The following MGST1 variants were observed in gnomAD, a reference collection of about 807,000 sequenced individuals.
MGST1 encodes the protein glutathione S-transferase 12.
In MGST1, 5 loss-of-function variants were observed where a neutral mutation model predicts 8.9. The ratio of observed to expected loss-of-function variants is 0.56; its 90% CI spans 0.29 to 1.19. MGST1 has a LOEUF of 1.19. MGST1 is among the 50% of genes most tolerant of loss of function. The probability of loss-of-function intolerance (pLI) is 0.08; values close to 1 mark genes in which losing one functional copy is unlikely to be tolerated. For synonymous variants in MGST1, 54 were observed against 67.8 expected (o/e 0.80, Z 1.00); for missense variants, 182 against 187.4 (o/e 0.97, Z 0.17).
chr12:16,414,743 C>T lies in MGST1; in HGVS notation n.779-22645C>T, dbSNP rs113530888. On this transcript the variant is annotated intron_variant and non_coding_transcript_variant, in intron 1 of 1. Coordinates refer to the MGST1 transcript ENST00000359720. ...GTGGTTATTTTAAAAATATTTTCAG[C>T]TGGGCACAGTGGCTCATGCCTGTAA... Among the ~76,000 whole-genome samples, 990 of 152,252 alleles carry T rather than the reference C, an allele frequency of 6.5e-3. 14 individuals carry two copies. Among genetic ancestry groups the T allele is most frequent in the African/African-American group, 0.022 (926 of 41,566 alleles).
At chr12:16,590,792 A>T (rs1009131978), downstream of MGST1, among the ~76,000 whole-genome samples, 4 of 152,062 alleles carry the variant, frequency 2.6e-5, no homozygotes, top group Non-Finnish European at 4.4e-5. Flanking sequence ...TAGATGCATC[A>T]CTTTAAAATC....
At chr12:16,439,113 T>G (rs1447157795), downstream of MGST1, among the ~76,000 whole-genome samples, 3 of 144,420 alleles carry the variant, frequency 2.1e-5, no homozygotes, top group Non-Finnish European at 4.6e-5. Context: ...GTAAGACATG[T>G]AAAAAAAAAA....
chr12:16,516,282 A>G (rs1001417462), intron 4 of MGST1, among the ~76,000 whole-genome samples: 1 of 152,228 alleles, frequency 6.6e-6, no homozygotes, highest in African/African-American at 2.4e-5. Flanking sequence ...TTTCTGAATT[A>G]GTCTTTCCAG....
In MGST1 at chr12:16,503,793, T is replaced by C. The variant is rs143340065; in HGVS notation, n.483-85735T>C. ...CCCAACGACCTGGAAGTTACCACCC[T>C]TTTTCTAGATATTTCTGTGTAATTT... On this transcript the variant is annotated intron_variant and non_coding_transcript_variant, in intron 4 of 4. Coordinates refer to the MGST1 transcript ENST00000538857. This position sits in a 1 kb window ranked among gnomAD's most constrained non-coding sequence, Gnocchi z 4.8. Among the ~76,000 whole-genome samples the C allele has an allele frequency of 6.6e-6, 1 of 152,324 alleles. No individual in the cohort carries two copies. Among genetic ancestry groups the C allele is most frequent in the African/African-American group, 2.4e-5 (1 of 41,568 alleles).
intron 1 of MGST1, among the ~76,000 whole-genome samples, chr12:16,396,111 A>G (rs1940603187): frequency 6.6e-6 from 1 of 151,872 alleles, no homozygotes; most frequent in Non-Finnish European, 1.5e-5. Context: ...CCACGCCAAC[A>G]TCTATTATTT....
chr12:16,458,860 G>A lies in MGST1; in HGVS notation n.482+75256G>A, dbSNP rs1178772704. On this transcript the variant is annotated intron_variant and non_coding_transcript_variant, in intron 4 of 4. Transcript: ENST00000538857. The surrounding 1 kb of genome is among the most constrained non-coding windows in gnomAD (Gnocchi z 4.0). The stretch of plus-strand genomic sequence containing the variant: ...GTACATCTTGAAGTCTCCATGTTCA[G>A]TGATAAGTAGTGGCTTGTTAGGAAA... Among the ~76,000 whole-genome samples the A allele has an allele frequency of 6.6e-6, 1 of 152,026 alleles. No homozygotes were observed. The highest frequency in any genetic ancestry group is 2.4e-5 in the African/African-American group (1 of 41,432).
chr12:16,449,293 T>A (rs1941109739), intron 4 of MGST1, among the ~76,000 whole-genome samples: 1 of 151,412 alleles, frequency 6.6e-6, no homozygotes, highest in African/African-American at 2.4e-5. Context: ...AGAGCAAGAG[T>A]AGAGAGGTGC....
chr12:16,386,630 G>A (rs1940506274), intron 1 of MGST1, among the ~76,000 whole-genome samples: 1 of 152,200 alleles, frequency 6.6e-6, no homozygotes, highest in African/African-American at 2.4e-5. Context: ...AATGCCTGAT[G>A]TTACTGTATA....
Position 16,482,476 on chromosome 12 carries a change from C to T in MGST1, n.482+98872C>T, listed in dbSNP as rs1257495209. ...TGAAACACCGTCTCTACTAAAAATA[C>T]AAAAATTAGCCAGGCGCAGTGGCAG... On this transcript the variant is annotated intron_variant and non_coding_transcript_variant, in intron 4 of 4. Coordinates refer to the MGST1 transcript ENST00000538857. This position sits in a 1 kb window ranked among gnomAD's most constrained non-coding sequence, Gnocchi z 4.2. Among the ~76,000 whole-genome samples the T allele has an allele frequency of 6.6e-6, 1 of 151,952 alleles. No individual in the cohort carries two copies. Among genetic ancestry groups the T allele is most frequent in the Non-Finnish European group, 1.5e-5 (1 of 67,978 alleles).
downstream of MGST1, among the ~76,000 whole-genome samples, chr12:16,592,636 A>G (rs1301108843): frequency 2.6e-5 from 4 of 151,968 alleles, no homozygotes; most frequent in African/African-American, 9.7e-5. Context: ...AACTTTATAC[A>G]TAGATATTGG....
Position 16,417,994 on chromosome 12 carries a change from G to C in MGST1, n.779-19394G>C, listed in dbSNP as rs192967887. Reference sequence around the variant, plus strand: ...GGGACTAGGAAATCTTCAATTTCCAGCTTGAACAGCTCTTCCATGCTCCTT... The same window carrying C: ...GGGACTAGGAAATCTTCAATTTCCACCTTGAACAGCTCTTCCATGCTCCTT... On this transcript the variant is annotated intron_variant and non_coding_transcript_variant, in intron 1 of 1. Coordinates refer to the MGST1 transcript ENST00000359720. Among the ~76,000 whole-genome samples the C allele has an allele frequency of 6.6e-5, 10 of 152,240 alleles. No homozygotes were observed. The East Asian group carries it at 1.7e-3, about 26-fold the overall frequency.
chr12:16,564,851 C>A (rs565219265), intron 4 of MGST1, among the ~76,000 whole-genome samples: 1 of 152,228 alleles, frequency 6.6e-6, no homozygotes, highest in South Asian at 2.1e-4. Flanking sequence ...AGTGGTGTGA[C>A]CATGAGTCAC....
intron 1 of MGST1, among the ~76,000 whole-genome samples, chr12:16,429,732 C>T (rs1333892556): frequency 1.3e-5 from 2 of 152,098 alleles, no homozygotes; most frequent in Non-Finnish European, 2.9e-5. Flanking sequence ...CTGAAAAATG[C>T]TAGTGATTAT....
chr12:16,465,222 G>A (rs534173740), intron 4 of MGST1, among the ~76,000 whole-genome samples: 99 of 152,248 alleles, frequency 6.5e-4, no homozygotes, highest in Non-Finnish European at 1.2e-3. Flanking sequence ...GAATCCTTTT[G>A]AACTCAAAAC....
chr12:16,384,985 G>A, intron 1 of MGST1, among the ~76,000 whole-genome samples: 1 of 152,196 alleles, frequency 6.6e-6, no homozygotes, highest in East Asian at 1.9e-4. Context: ...TAACGGTAGA[G>A]GCCAAAGAAG....
intron 1 of MGST1, among the ~76,000 whole-genome samples, chr12:16,421,957 C>G (rs868565890): frequency 6.6e-6 from 1 of 152,180 alleles, no homozygotes; most frequent in African/African-American, 2.4e-5. Flanking sequence ...CACCATTACT[C>G]TAGATCTTTG....
At chr12:16,366,806 C>A (rs1232685402), downstream of MGST1, among the ~76,000 whole-genome samples, 1 of 152,132 alleles carries the variant, frequency 6.6e-6, no homozygotes, top group East Asian at 1.9e-4. The surrounding 1 kb of genome is among the most constrained non-coding windows in gnomAD (Gnocchi z 4.0). Flanking sequence ...GCAACTCCAT[C>A]ACAAGCAGTT....
intron 1 of MGST1, among the ~76,000 whole-genome samples, chr12:16,436,731 A>G (rs1940990986): frequency 1.3e-5 from 2 of 152,146 alleles, no homozygotes; most frequent in Admixed American, 6.6e-5. Context: ...CATGATGCCA[A>G]TAGTGTACAG....
rs200950775 is a variant in MGST1, at chr12:16,363,913, C to A, written c.340C>A (p.Arg114=). 5.9e-5 allele frequency: 95 copies of A among 1,613,960 alleles called. No homozygotes were observed. The Middle Eastern group carries it at 8.2e-4, about 14-fold the overall frequency. Residue 114 remains arginine, a synonymous_variant, in exon 4 of 4, where the codon CGG becomes AGG. Coordinates refer to ENST00000396210, the MANE Select transcript of MGST1 (RefSeq NM_020300.5). This position sits in a 1 kb window ranked among gnomAD's most constrained non-coding sequence, Gnocchi z 4.6. ...ILHFRLFVGA[R]IYHTIAYLTP... Reference sequence around the variant, plus strand: ...GCACTTCAGACTATTTGTCGGAGCACGGATCTACCACACCATTGCATATTT... The same window carrying A: ...GCACTTCAGACTATTTGTCGGAGCAAGGATCTACCACACCATTGCATATTT...
Sources: allele counts gnomAD v4.1 joint callset (sites outside exome capture counted in the v4.1 genomes callset), GRCh38; gene constraint gnomAD v4.1.1; non-coding constraint Gnocchi (gnomAD v3.1); transcripts MANE v1.5; gene names NCBI Gene and HGNC (gene_info 2026-07-23, HGNC 2026-07-21).